SNED1: variants seen among roughly 807,000 people sequenced by gnomAD.
SNED1 encodes the protein sushi, nidogen and EGF like domains 1.
In SNED1, 81 loss-of-function variants were observed where a neutral mutation model predicts 166.7. The ratio of observed to expected loss-of-function variants is 0.49; its 90% confidence interval spans 0.41 to 0.58. The LOEUF is 0.58. Among genes scored for constraint, SNED1 ranks in the 20% least tolerant of loss-of-function variants. The pLI is 0.00. For missense variants in SNED1, 1,604 were observed against 2,000.2 expected (o/e 0.80, Z 3.78); for synonymous variants, 762 against 822.0 (o/e 0.93, Z 1.25).
intron 1 of SNED1, chr2:241,010,310 ACCT>A (rs2060351636): frequency 6.6e-6 from 1 of 152,132 alleles, no homozygotes; most frequent in East Asian, 1.9e-4. Context: ...GCCCGAGGTC[ACCT>A]CCTGGAGGCT....
intron 30 of SNED1, 156 bp downstream of exon 30, chr2:241,087,631 G>A (rs1027762660): frequency 1.3e-5 from 18 of 1,438,174 alleles, no homozygotes; most frequent in African/African-American, 4.3e-5. Context: ...GTTCTGCTAC[G>A]AAACTGTATG....
chr2:241,034,772 G>A (rs1030948235), intron 4 of SNED1, 42 bp downstream of exon 4: 3 of 1,495,202 alleles, frequency 2.0e-6, no homozygotes, highest in Admixed American at 4.2e-5. Context: ...AGCGGGCTGA[G>A]GAAGGGGGTT....
In SNED1 at chr2:241,051,637, A is replaced by G. The variant is rs1307904487; in HGVS notation, c.1736-107A>G. On this transcript the variant is annotated intron_variant, in intron 12 of 31. Transcript: ENST00000310397. This position sits in a 1 kb window ranked among gnomAD's most constrained non-coding sequence, Gnocchi z 4.7. ...AGCCAGGCCCCAGGGCTTCGTCGAG[A>G]AGGCCCCACCAGCACCAGAGGACTG... 2 of 887,204 alleles carry G rather than the reference A, an allele frequency of 2.3e-6. No individual in the cohort carries two copies. The highest frequency in any genetic ancestry group is 3.3e-6 in the Non-Finnish European group (2 of 613,652). 55.0% of individuals were successfully genotyped at this position (887,204 alleles called of 1,614,324 possible).
intron 8 of SNED1, among the ~76,000 whole-genome samples, chr2:241,047,758 G>A (rs1163389572): frequency 6.6e-6 from 1 of 152,084 alleles, no homozygotes; most frequent in Non-Finnish European, 1.5e-5. Context: ...CTTCTCTGGT[G>A]CTTCTTGTTC....
At chr2:241,039,130 T>C in intron 6 of SNED1, among the ~76,000 whole-genome samples, 1 of 152,152 alleles carries the variant, frequency 6.6e-6, no homozygotes, top group East Asian at 1.9e-4. Context: ...GGCTCCCTGA[T>C]CTTGGAAGCC....
Position 241,036,790 on chromosome 2 carries a change from C to T in SNED1, c.806C>T (p.Thr269Met), listed in dbSNP as rs1648435409. 5 of 1,607,472 alleles carry T rather than the reference C, an allele frequency of 3.1e-6. No homozygotes were observed. The highest frequency in any genetic ancestry group is 1.7e-5 in the Admixed American group (1 of 59,984). The change falls in exon 5 of 32, where the codon ACG becomes ATG. Residue 269 changes from threonine (T) to methionine (M), a missense_variant and splice_region_variant. Physicochemically the swap from Thr to Met is moderately conservative, Grantham distance 81. Coordinates refer to ENST00000310397, the MANE Select transcript of SNED1 (RefSeq NM_001080437.3). ...CTCCAGCCCCTCCCTATGTCTGCAG[C>T]GTCCGTGTGCCTGGCCCTGCGCCCC... ...QVRVGGCGHT[T>M]SVCLALRPCL...
chr2:241,042,168 G>A (rs1179316740), intron 8 of SNED1, among the ~76,000 whole-genome samples: 1 of 152,138 alleles, frequency 6.6e-6, no homozygotes, highest in African/African-American at 2.4e-5. Flanking sequence ...AGATCAAGAG[G>A]AGACCTCCCT....
chr2:241,057,394 T>A (rs1288767982), intron 16 of SNED1, among the ~76,000 whole-genome samples: 3 of 140,204 alleles, frequency 2.1e-5, no homozygotes, highest in African/African-American at 8.4e-5. Context: ...TATATATATA[T>A]ATATATATAT....
intron 31 of SNED1, chr2:241,089,339 A>G (rs1360222192): frequency 1.9e-6 from 3 of 1,550,700 alleles, no homozygotes; most frequent in East Asian, 4.9e-5. Flanking sequence ...AAGCCACTTC[A>G]AAACAGGTCT....
chr2:241,043,187 A>C (rs572247985), intron 8 of SNED1, among the ~76,000 whole-genome samples: 1 of 152,372 alleles, frequency 6.6e-6, no homozygotes, highest in African/African-American at 2.4e-5. Context: ...ATTTCCAAGA[A>C]AAGCATGAAG....
intron 15 of SNED1, among the ~76,000 whole-genome samples, chr2:241,052,688 GGC>G (rs199624454): frequency 4.6e-5 from 2 of 43,130 alleles, no homozygotes; most frequent in East Asian, 2.0e-3. Context: ...TGAGAGGGTC[GGC>G]GGGGGGGGGG....
At position 241,066,696 on chromosome 2, in the gene SNED1, G is replaced by A. The variant is rs567518044; in HGVS notation, c.3011-1068G>A. ...AGCATCCAGCAGGGCCCTGCGGGGC[G>A]GCCACGTGAGTTTGGTGAAACCTAT... is the stretch of plus-strand genomic sequence containing the variant. On this transcript the variant is annotated intron_variant, in intron 21 of 31. Transcript: ENST00000310397. Among the ~76,000 whole-genome samples, 228 of 152,320 alleles carry A rather than the reference G, an allele frequency of 1.5e-3. 2 individuals carry two copies. Among genetic ancestry groups the A allele is most frequent in the African/African-American group, 5.3e-3 (220 of 41,564 alleles).
At chr2:241,072,976 G>C in intron 26 of SNED1, 1 of 455,568 alleles carries the variant, frequency 2.2e-6, no homozygotes, top group Non-Finnish European at 3.9e-6. Context: ...CGCATCAGCC[G>C]TGAGGATGGG....
At chr2:241,053,100 G>C (rs2061931284) in intron 15 of SNED1, 53 bp from the exon 16 acceptor site, 1 of 1,546,558 alleles carries the variant, frequency 6.5e-7, no homozygotes, top group Non-Finnish European at 8.8e-7. Context: ...AGGGCGGTGG[G>C]GAGGGGCCAG....
In SNED1 at chr2:241,032,443, T is replaced by A. The variant is rs549384644; in HGVS notation, c.502-1292T>A. 2.1e-4 allele frequency among the ~76,000 whole-genome samples: 30 copies of A among 143,142 alleles called. No homozygotes were observed. In the South Asian group the frequency reaches 5.3e-3, roughly 25 times the overall value. 93.9% of individuals were successfully genotyped at this position (143,142 alleles called of 152,430 possible). A position where few individuals can be genotyped will look rare whatever the true frequency, so the allele number is the denominator to read the frequency against. On this transcript the variant is annotated intron_variant, in intron 2 of 31. Transcript: ENST00000310397. Reference sequence around the variant, plus strand: ...AGTTCCCACCTATGAGTGAGAACGCTTGGACACAGGAAGGGGAACATCACA... The same window carrying A: ...AGTTCCCACCTATGAGTGAGAACGCATGGACACAGGAAGGGGAACATCACA...
chr2:241,077,753 T>C lies in SNED1; in HGVS notation c.3917-3924T>C, dbSNP rs184049775. ...CCAGTAATCACACCGAAAAGATCCTTGACATCATTAGTCAGCAGGGAAATG... is the reference window on the plus strand; with the variant it reads ...CCAGTAATCACACCGAAAAGATCCTCGACATCATTAGTCAGCAGGGAAATG... On this transcript the variant is annotated intron_variant, in intron 27 of 31. Coordinates refer to ENST00000310397, the MANE Select transcript of SNED1 (RefSeq NM_001080437.3). Among the ~76,000 whole-genome samples the C allele has an allele frequency of 1.4e-3, 208 of 152,312 alleles. 1 individual carries two copies. Among genetic ancestry groups the C allele is most frequent in the Non-Finnish European group, 2.0e-3 (138 of 68,030 alleles).
At chr2:241,026,193 T>A (rs1357827451) in intron 1 of SNED1, among the ~76,000 whole-genome samples, 4 of 152,048 alleles carry the variant, frequency 2.6e-5, no homozygotes, top group African/African-American at 9.7e-5. Flanking sequence ...GTTTTTTGTA[T>A]TTTTAGTAGA....
rs75439727 is a variant in SNED1 at position 241,047,333 on chromosome 2, A to G, written c.1274-982A>G. 7.2e-3 allele frequency among the ~76,000 whole-genome samples: 1,093 copies of G among 152,292 alleles called. 2 individuals are homozygous for G. Among genetic ancestry groups the G allele is most frequent in the Non-Finnish European group, 0.012 (814 of 68,032 alleles). ...CATAACTCTAGATATACTTGTACCT[A>G]TTAACACCTATTCACATGAAGCAAA... On this transcript the variant is annotated intron_variant, in intron 8 of 31. Coordinates refer to ENST00000310397, the MANE Select transcript of SNED1 (RefSeq NM_001080437.3).
intron 1 of SNED1, chr2:241,015,493 A>C (rs1455648503): frequency 6.6e-6 from 1 of 152,396 alleles, no homozygotes; most frequent in Middle Eastern, 3.4e-3. Context: ...GAATCTTGAT[A>C]AATCATCTAT....
Sources: gnomAD v4.1 joint callset for allele counts (sites outside exome capture counted in the v4.1 genomes callset) on GRCh38, gnomAD v4.1.1 for gene constraint, Gnocchi (gnomAD v3.1) non-coding constraint, MANE v1.5 for transcripts, NCBI Gene and HGNC (gene_info 2026-07-23, HGNC 2026-07-21) for gene names.